The following KCNJ4 variants were observed in gnomAD, a reference collection of about 807,000 sequenced individuals.
The protein encoded by KCNJ4 is potassium inwardly rectifying channel subfamily J member 4, also known as inward rectifier potassium channel 4.
KCNJ4 carries 3 observed loss-of-function variants against 25.6 expected under a neutral mutation model. The ratio of observed to expected loss-of-function variants is 0.12; its 90% CI spans 0.05 to 0.30. The LOEUF (loss-of-function observed/expected upper bound fraction) is 0.30, where lower values mean the gene tolerates loss of function less well. KCNJ4 is among the 10% of genes least tolerant of loss of function. The pLI is 1.00. For missense variants in KCNJ4, 286 were observed against 666.8 expected (o/e 0.43, Z 6.29); for synonymous variants, 257 against 283.9 (o/e 0.91, Z 0.95).
At chr22:38,452,564 G>A (rs1452599715) in intron 1 of KCNJ4, among the ~76,000 whole-genome samples, 9 of 152,150 alleles carry the variant, frequency 5.9e-5, no homozygotes, top group Non-Finnish European at 1.3e-4. Context: ...GGGGAGCGGC[G>A]GCGGTGGTGA....
intron 1 of KCNJ4, among the ~76,000 whole-genome samples, chr22:38,439,803 A>G (rs1052757402): frequency 7.6e-6 from 1 of 132,128 alleles, no homozygotes. Context: ...GAAATACAAC[A>G]TTCCTAGCCA....
chr22:38,428,299 C>A, intron 1 of KCNJ4, 128 bp from the exon 2 acceptor site: 1 of 867,066 alleles, frequency 1.2e-6, no homozygotes, highest in Admixed American at 2.8e-5. Context: ...TCCTCTGCCC[C>A]GGCAGGCGGA....
At position 38,433,611 on chromosome 22, in the gene KCNJ4, C is replaced by T. The variant is rs907520498; in HGVS notation, c.-39-5440G>A. On this transcript the variant is annotated intron_variant, in intron 1 of 1. Transcript: ENST00000303592. ...GGATCACAGGCACGAGCCACTGCATCCGGCTTTCTCTTAATTTTACTGTGC... is the reference window on the plus strand; with the variant it reads ...GGATCACAGGCACGAGCCACTGCATTCGGCTTTCTCTTAATTTTACTGTGC... Among the ~76,000 whole-genome samples the T allele has an allele frequency of 1.1e-3, 170 of 152,186 alleles. 4 individuals are homozygous for T. Among genetic ancestry groups the T allele is most frequent in the Non-Finnish European group, 3.2e-4 (22 of 68,036 alleles).
intron 1 of KCNJ4, among the ~76,000 whole-genome samples, chr22:38,428,513 T>C (rs552118491): frequency 6.6e-6 from 1 of 152,076 alleles, no homozygotes; most frequent in South Asian, 2.1e-4. Flanking sequence ...TTCCTCCCTG[T>C]CCCTCTGTCC....
At chr22:38,437,676 T>A (rs2089301939) in intron 1 of KCNJ4, among the ~76,000 whole-genome samples, 1 of 151,904 alleles carries the variant, frequency 6.6e-6, no homozygotes. Flanking sequence ...CAACATGGGG[T>A]GAGTCAGAGG....
At position 38,428,006 on chromosome 22, in the gene KCNJ4, T is replaced by G; in HGVS notation, c.127A>C (p.Met43Leu). The G allele has an allele frequency of 2.5e-6, 4 of 1,614,220 alleles. No individual in the cohort carries two copies. The highest frequency in any genetic ancestry group is 3.4e-6 in the Non-Finnish European group (4 of 1,180,006). ...ANLSNKSQRYMADIFTTCVDT... is the reference protein window; with the variant it reads ...ANLSNKSQRYLADIFTTCVDT... ...ACGCAGGTGGTGAAGATGTCCGCCA[T>G]GTAGCGCTGCGACTTGTTGCTCAGG... is the stretch of plus-strand genomic sequence containing the variant. Residue 43 changes from methionine to leucine, a missense_variant, in exon 2 of 2, where the codon ATG (methionine) becomes CTG (leucine). Transcript: ENST00000303592.
chr22:38,441,578 T>G (rs976002013), intron 1 of KCNJ4, among the ~76,000 whole-genome samples: 16 of 152,036 alleles, frequency 1.1e-4, no homozygotes, highest in African/African-American at 3.4e-4. Context: ...TGGGGGCTAA[T>G]GTGCCCCTCT....
chr22:38,426,596 G>T lies in KCNJ4; in HGVS notation c.*199C>A. 1.6e-6 allele frequency: 1 copy of T among 639,436 alleles called. No individual in the cohort carries two copies. The allele number at this position is 639,436 out of a possible 1,614,324, so 39.6% of individuals were successfully genotyped here. A position where few individuals can be genotyped will look rare whatever the true frequency, so the allele number is the denominator to read the frequency against. The stretch of plus-strand genomic sequence containing the variant: ...AGAAGTAGGCGCTGGCGGAACTCAG[G>T]CTGATCGGGGCCGAGCTCTTCCCAG... On this transcript the variant is annotated 3_prime_UTR_variant, in exon 2 of 2. Coordinates refer to ENST00000303592, the MANE Select transcript of KCNJ4 (RefSeq NM_152868.3).
intron 1 of KCNJ4, among the ~76,000 whole-genome samples, chr22:38,452,651 CT>C (rs1340017132): frequency 2.0e-5 from 3 of 152,012 alleles, no homozygotes; most frequent in African/African-American, 7.2e-5. Flanking sequence ...ATTTGGCATC[CT>C]AGGGGGAGAG....
intron 1 of KCNJ4, among the ~76,000 whole-genome samples, chr22:38,437,965 A>G (rs2089304471): frequency 6.6e-6 from 1 of 151,790 alleles, no homozygotes; most frequent in African/African-American, 2.4e-5. Flanking sequence ...TAGGCCAGGC[A>G]TGGTGGCTCA....
At chr22:38,440,826 G>C (rs1419448304) in intron 1 of KCNJ4, among the ~76,000 whole-genome samples, 8 of 152,174 alleles carry the variant, frequency 5.3e-5, no homozygotes, top group Non-Finnish European at 1.2e-4. Context: ...GTGGCCTGTA[G>C]TGGTGGAAGA....
Position 38,443,456 on chromosome 22 carries a change from C to T in KCNJ4, c.-40+11524G>A, listed in dbSNP as rs196081. Among the ~76,000 whole-genome samples the T allele has an allele frequency of 0.21, 32,206 of 152,118 alleles. 4,426 individuals carry two copies. The highest frequency in any genetic ancestry group is 0.39 in the African/African-American group (15,991 of 41,446). ...GCACTGCCAAGCCCAAGCCATGCCCCCGTCCTCCCCTCTCCTGCCTTCCCC... is the reference window on the plus strand; with the variant it reads ...GCACTGCCAAGCCCAAGCCATGCCCTCGTCCTCCCCTCTCCTGCCTTCCCC... On this transcript the variant is annotated intron_variant, in intron 1 of 1. Coordinates refer to ENST00000303592, the MANE Select transcript of KCNJ4 (RefSeq NM_152868.3). This position sits in a 1 kb window ranked among gnomAD's most constrained non-coding sequence, Gnocchi z 4.1.
rs754668654 is a variant in KCNJ4, at chr22:38,426,759, G to C, written c.*36C>G. On this transcript the variant is annotated 3_prime_UTR_variant, in exon 2 of 2. Coordinates refer to ENST00000303592, the MANE Select transcript of KCNJ4 (RefSeq NM_152868.3). Reference sequence around the variant, plus strand: ...TCCTGGCATCCCACCCCCGGCAGAGGCTCTTGTGGGCAGTGGTGAGGGCCG... The same window carrying C: ...TCCTGGCATCCCACCCCCGGCAGAGCCTCTTGTGGGCAGTGGTGAGGGCCG... The C allele has an allele frequency of 2.6e-6, 4 of 1,568,004 alleles. No individual in the cohort carries two copies. Among genetic ancestry groups the C allele is most frequent in the Non-Finnish European group, 3.5e-6 (4 of 1,154,312 alleles).
chr22:38,444,421 G>C (rs1047329403), intron 1 of KCNJ4, among the ~76,000 whole-genome samples: 1 of 152,220 alleles, frequency 6.6e-6, no homozygotes, highest in African/African-American at 2.4e-5. Flanking sequence ...GAGACCCTCT[G>C]TGTCACTGTA....
Position 38,426,990 on chromosome 22 carries a change from G to A in KCNJ4, c.1143C>T (p.Ser381=), listed in dbSNP as rs747204741. 6 of 1,612,702 alleles carry A rather than the reference G, an allele frequency of 3.7e-6. No homozygotes were observed. Among genetic ancestry groups the A allele is most frequent in the Non-Finnish European group, 5.1e-6 (6 of 1,179,850 alleles). ...CCTCCTCCATCTCCTCTTCCTCCTG[G>A]CTCATAAGGGCCAGCTCGTTCTCGT... ...FCYENELALM[S]QEEEEMEEEA... The change falls in exon 2 of 2, where the codon AGC becomes AGT. Residue 381 remains serine, a synonymous_variant. Coordinates refer to ENST00000303592, the MANE Select transcript of KCNJ4 (RefSeq NM_152868.3).
intron 1 of KCNJ4, among the ~76,000 whole-genome samples, chr22:38,441,089 T>C (rs1417743720): frequency 6.6e-6 from 1 of 151,956 alleles, no homozygotes; most frequent in Non-Finnish European, 1.5e-5. Flanking sequence ...GGAGAGAAGC[T>C]GCAGAGCAGA....
At position 38,427,008 on chromosome 22, in the gene KCNJ4, G is replaced by A. The variant is rs150171270; in HGVS notation, c.1125C>T (p.Asn375=). ...PPPPSAFCYE[N]ELALMSQEEE... ...CCTCCTGGCTCATAAGGGCCAGCTC[G>A]TTCTCGTAGCAGAAGGCACTGGGAG... is the stretch of plus-strand genomic sequence containing the variant. Residue 375 remains asparagine, a synonymous_variant, in exon 2 of 2, where the codon AAC becomes AAT. Coordinates refer to ENST00000303592, the MANE Select transcript of KCNJ4 (RefSeq NM_152868.3). 63 of 1,612,698 alleles carry A rather than the reference G, an allele frequency of 3.9e-5. No individual in the cohort carries two copies. The highest frequency in any genetic ancestry group is 1.7e-4 in the Middle Eastern group (1 of 6,056).
At chr22:38,451,046 G>C (rs528514195) in intron 1 of KCNJ4, among the ~76,000 whole-genome samples, 6 of 152,220 alleles carry the variant, frequency 3.9e-5, no homozygotes, top group African/African-American at 1.4e-4. Context: ...TCTATAACAC[G>C]GGGACATCAA....
intron 1 of KCNJ4, among the ~76,000 whole-genome samples, chr22:38,442,874 C>T (rs1044131829): frequency 1.3e-5 from 2 of 152,172 alleles, no homozygotes; most frequent in East Asian, 3.9e-4. Flanking sequence ...TCTCGAATAG[C>T]TGGGACTTGA....
Sources: gnomAD v4.1 joint callset for allele counts (sites outside exome capture counted in the v4.1 genomes callset) on GRCh38, gnomAD v4.1.1 for gene constraint, Gnocchi (gnomAD v3.1) non-coding constraint, MANE v1.5 for transcripts, NCBI Gene and HGNC (gene_info 2026-07-23, HGNC 2026-07-21) for gene names.